Variants in RCAN2 observed in about 807,000 individuals in gnomAD.
RCAN2 encodes the protein regulator of calcineurin 2, also known as calcipressin-2.
RCAN2 carries 9 observed loss-of-function variants against 23.6 expected under a neutral mutation model. The observed-to-expected ratio is 0.38, with a 90% CI of 0.23 to 0.67. The LOEUF (loss-of-function observed/expected upper bound fraction) is 0.67, where lower values mean the gene tolerates loss of function less well. Among genes scored for constraint, RCAN2 ranks in the 30% least tolerant of loss-of-function variants. The probability of loss-of-function intolerance (pLI) is 0.51; values close to 1 mark genes in which losing one functional copy is unlikely to be tolerated. For missense variants in RCAN2, 273 were observed against 302.3 expected (o/e 0.90, Z 0.72); for synonymous variants, 109 against 115.7 (o/e 0.94, Z 0.37).
intron 2 of RCAN2, among the ~76,000 whole-genome samples, chr6:46,368,756 T>G (rs1204768733): frequency 6.6e-6 from 1 of 152,152 alleles, no homozygotes; most frequent in Non-Finnish European, 1.5e-5. Context: ...CTTTTAGGGC[T>G]GGGAGTTGCC....
chr6:46,404,428 T>A lies in RCAN2; in HGVS notation c.225+52324A>T, dbSNP rs16874602. On this transcript the variant is annotated intron_variant, in intron 2 of 4. Coordinates refer to ENST00000371374, the MANE Select transcript of RCAN2 (RefSeq NM_001251974.2). ...TTGGGGCCCTTCTTATTAAAGTTGT[T>A]GAAAACATTTTAAAGTTGTAGAAAC... 5.8e-3 allele frequency among the ~76,000 whole-genome samples: 885 copies of A among 152,334 alleles called. 8 individuals are homozygous for A. Among genetic ancestry groups the A allele is most frequent in the East Asian group, 0.04 (207 of 5,188 alleles).
At chr6:46,461,359 T>G (rs932515109) in intron 1 of RCAN2, among the ~76,000 whole-genome samples, 1 of 152,206 alleles carries the variant, frequency 6.6e-6, no homozygotes, top group Admixed American at 6.5e-5. Flanking sequence ...CTTCTGTTGT[T>G]TGACATTTGG....
intron 4 of RCAN2, among the ~76,000 whole-genome samples, chr6:46,241,513 G>T (rs188662063): frequency 7.4e-4 from 113 of 152,314 alleles, no homozygotes; most frequent in African/African-American, 2.6e-3. Flanking sequence ...GTACCGTAAA[G>T]AATTGATGCA....
At chr6:46,400,464 G>T (rs1299070996) in intron 2 of RCAN2, among the ~76,000 whole-genome samples, 1 of 152,040 alleles carries the variant, frequency 6.6e-6, no homozygotes, top group Non-Finnish European at 1.5e-5. Context: ...CCCTTCCCCA[G>T]GATCTGGCTA....
intron 1 of RCAN2, among the ~76,000 whole-genome samples, chr6:46,483,615 C>T (rs1329422401): frequency 6.6e-6 from 1 of 152,120 alleles, no homozygotes; most frequent in African/African-American, 2.4e-5. Context: ...TAAATGTCAC[C>T]TTGTCAAATT....
chr6:46,468,220 C>T (rs958061515), intron 1 of RCAN2, among the ~76,000 whole-genome samples: 1 of 152,206 alleles, frequency 6.6e-6, no homozygotes, highest in African/African-American at 2.4e-5. Flanking sequence ...CCAAGAAAGT[C>T]AACATTGGTG....
At chr6:46,336,894 G>T (rs1314589201) in intron 2 of RCAN2, among the ~76,000 whole-genome samples, 3 of 149,358 alleles carry the variant, frequency 2.0e-5, no homozygotes, top group Non-Finnish European at 3.0e-5. Context: ...TTAATTGGCT[G>T]TCAAGGTAAT....
At chr6:46,472,434 A>G (rs1391892353) in intron 1 of RCAN2, among the ~76,000 whole-genome samples, 1 of 152,206 alleles carries the variant, frequency 6.6e-6, no homozygotes, top group African/African-American at 2.4e-5. Flanking sequence ...AAGTTGAGCA[A>G]TAGTCCCTTT....
chr6:46,308,383 ACTCTT>A (rs1428393452), intron 2 of RCAN2, among the ~76,000 whole-genome samples: 5 of 152,138 alleles, frequency 3.3e-5, no homozygotes, highest in Admixed American at 2.6e-4. Context: ...AGGAGCATGA[ACTCTT>A]CTCTTAGACA....
At chr6:46,225,707 T>G (rs1213344996) in intron 4 of RCAN2, among the ~76,000 whole-genome samples, 1 of 152,232 alleles carries the variant, frequency 6.6e-6, no homozygotes. Context: ...ATGGGTAGAT[T>G]GTAAAAATTT....
chr6:46,458,895 A>ACG (rs1164915739), intron 1 of RCAN2, among the ~76,000 whole-genome samples: 9 of 73,838 alleles, frequency 1.2e-4, no homozygotes, highest in Admixed American at 8.3e-4. Flanking sequence ...ACGCGCGCGC[A>ACG]CGTGTGTGTG....
chr6:46,412,478 GA>G (rs1766575261), intron 2 of RCAN2, among the ~76,000 whole-genome samples: 1 of 152,132 alleles, frequency 6.6e-6, no homozygotes, highest in Non-Finnish European at 1.5e-5. Flanking sequence ...GATCAACTAT[GA>G]TGTATAAATA....
At chr6:46,377,528 G>C (rs1387676562) in intron 2 of RCAN2, among the ~76,000 whole-genome samples, 2 of 152,156 alleles carry the variant, frequency 1.3e-5, no homozygotes, top group African/African-American at 2.4e-5. Flanking sequence ...AATTGAAGAA[G>C]ACCCTCGAAG....
At position 46,441,148 on chromosome 6, in the gene RCAN2, A is replaced by C. The variant is rs558885110; in HGVS notation, c.225+15604T>G. ...GAAGAATGAGGAAGAGAACATGCTT[A>C]CTAAGAAGGTCTAGTATTATGCTGC... On this transcript the variant is annotated intron_variant, in intron 2 of 4. Coordinates refer to ENST00000371374, the MANE Select transcript of RCAN2 (RefSeq NM_001251974.2). Among the ~76,000 whole-genome samples the C allele has an allele frequency of 2.0e-3, 301 of 152,332 alleles. 2 individuals carry two copies. The highest frequency in any genetic ancestry group is 6.8e-3 in the African/African-American group (282 of 41,576).
At chr6:46,265,589 C>T (rs768605) in intron 2 of RCAN2, among the ~76,000 whole-genome samples, 119,075 of 152,042 alleles carry the variant, frequency 0.78, 46,963 homozygotes, top group Non-Finnish European at 0.83. Context: ...TAGTCACCAA[C>T]TGGTTGGTCC....
intron 2 of RCAN2, among the ~76,000 whole-genome samples, chr6:46,332,428 T>G (rs924288273): frequency 2.6e-5 from 4 of 151,742 alleles, no homozygotes; most frequent in Admixed American, 6.6e-5. Flanking sequence ...CATTTAGCAT[T>G]AGGTATATCT....
At chr6:46,484,114 CAATTA>C (rs1158669129) in intron 1 of RCAN2, among the ~76,000 whole-genome samples, 1 of 152,132 alleles carries the variant, frequency 6.6e-6, no homozygotes, top group African/African-American at 2.4e-5. Flanking sequence ...AATAAATAAT[CAATTA>C]AATTAATCTA....
chr6:46,441,668 T>C (rs887833168), intron 2 of RCAN2, among the ~76,000 whole-genome samples: 1 of 151,868 alleles, frequency 6.6e-6, no homozygotes, highest in African/African-American at 2.4e-5. Context: ...GATGAGATTA[T>C]GGTATTTCTG....
intron 4 of RCAN2, among the ~76,000 whole-genome samples, chr6:46,226,167 C>T (rs890725683): frequency 2.0e-5 from 3 of 152,232 alleles, no homozygotes; most frequent in Non-Finnish European, 4.4e-5. Context: ...GTACCAGTAC[C>T]GTGCTATTTT....
Sources: gnomAD v4.1 joint callset for allele counts (sites outside exome capture counted in the v4.1 genomes callset) on GRCh38, gnomAD v4.1.1 for gene constraint, MANE v1.5 for transcripts, NCBI Gene and HGNC (gene_info 2026-07-23, HGNC 2026-07-21) for gene names.